The following SPATA1 variants were observed in gnomAD, a reference collection of about 807,000 sequenced individuals.
SPATA1 encodes the protein spermatogenesis associated 1.
Under a neutral mutation model 59.6 loss-of-function variants are expected in SPATA1, and 57 were observed. That is an observed-to-expected ratio of 0.96 (90% CI 0.77 to 1.19). SPATA1 has a LOEUF of 1.19. Among genes scored for constraint, SPATA1 ranks in the 50% most tolerant of loss-of-function variants. The pLI is 0.00. For synonymous variants in SPATA1, 147 were observed against 163.9 expected, an observed-to-expected ratio of 0.90 and a Z score of 0.79; for missense variants, 448 against 480.7, an observed-to-expected ratio of 0.93 and a Z score of 0.64.
chr1:84,532,907 A>T, exon 7 of SPATA1: 1 of 1,552,376 alleles, frequency 6.4e-7, no homozygotes, highest in Non-Finnish European at 8.7e-7. Flanking sequence ...AAAAAATCAA[A>T]TTGGAAATTC....
chr1:84,545,549 T>G, intron 9 of SPATA1, 85 bp from the exon 10 acceptor site: 1 of 1,382,162 alleles, frequency 7.2e-7, no homozygotes, highest in South Asian at 1.6e-5. Flanking sequence ...CTTTAGACAT[T>G]TTTAAGTTTT....
chr1:84,525,992 T>C, exon 6 of SPATA1: 1 of 1,613,706 alleles, frequency 6.2e-7, no homozygotes. Flanking sequence ...TAGTGTAACT[T>C]TGTTCAAGGA....
At chr1:84,567,018 T>C (rs1485916631), downstream of SPATA1, among the ~76,000 whole-genome samples, 1 of 152,222 alleles carries the variant, frequency 6.6e-6, no homozygotes, top group Non-Finnish European at 1.5e-5. Context: ...ATTAGCCTTA[T>C]TTTATACATG....
At chr1:84,520,239 T>C (rs1682967297) in intron 2 of SPATA1, 1 of 203,466 alleles carries the variant, frequency 4.9e-6, no homozygotes, top group African/African-American at 2.4e-5. Flanking sequence ...TGGAACTGAG[T>C]AGGTGGGGAG....
At chr1:84,547,211 G>A (rs893685116) in intron 10 of SPATA1, among the ~76,000 whole-genome samples, 1 of 152,204 alleles carries the variant, frequency 6.6e-6, no homozygotes, top group Non-Finnish European at 1.5e-5. Context: ...ACAATGGACT[G>A]AAAATCACAG....
chr1:84,532,277 C>T (rs1683503257), intron 6 of SPATA1, among the ~76,000 whole-genome samples: 1 of 152,190 alleles, frequency 6.6e-6, no homozygotes, highest in African/African-American at 2.4e-5. Context: ...GGGCATATCA[C>T]CTGAGGTCAG....
chr1:84,555,707 C>T (rs570269713), downstream of SPATA1, among the ~76,000 whole-genome samples: 37 of 152,288 alleles, frequency 2.4e-4, no homozygotes, highest in Non-Finnish European at 3.7e-4. Flanking sequence ...GAATCACTTG[C>T]GGAGCTTTTA....
At chr1:84,542,108 C>T (rs911977046) in intron 8 of SPATA1, among the ~76,000 whole-genome samples, 6 of 152,044 alleles carry the variant, frequency 3.9e-5, no homozygotes, top group Admixed American at 6.6e-5. Context: ...GGATTACAGG[C>T]GTGCGACACC....
chr1:84,521,420 C>T (rs746633023), intron 3 of SPATA1, among the ~76,000 whole-genome samples: 1 of 152,186 alleles, frequency 6.6e-6, no homozygotes, highest in African/African-American at 2.4e-5. Flanking sequence ...TCATCTCTTT[C>T]TTCAACCACA....
exon 9 of SPATA1, chr1:84,544,220 A>C (rs1558608373): frequency 3.8e-6 from 6 of 1,599,786 alleles, no homozygotes; most frequent in South Asian, 1.1e-5. Flanking sequence ...AAAAGAGTAC[A>C]TCACCCTACC....
At chr1:84,533,026 A>G in intron 7 of SPATA1, 52 bp downstream of exon 7, 4 of 1,240,692 alleles carry the variant, frequency 3.2e-6, no homozygotes. Flanking sequence ...CAATAAGAAA[A>G]AGAGTAAGAT....
intron 4 of SPATA1, among the ~76,000 whole-genome samples, chr1:84,524,124 C>T (rs1326995844): frequency 1.3e-5 from 2 of 151,648 alleles, no homozygotes; most frequent in Non-Finnish European, 2.9e-5. Flanking sequence ...AAGTAGAAAA[C>T]TTTGAGAAAG....
At chr1:84,548,794 G>A (rs769311984) in exon 11 of SPATA1, 96 of 985,704 alleles carry the variant, frequency 9.7e-5, no homozygotes, top group Non-Finnish European at 1.2e-4. Context: ...AGCCTACAAT[G>A]GTTGGAAGAA....
intron 1 of SPATA1, among the ~76,000 whole-genome samples, chr1:84,511,050 G>T (rs1044852747): frequency 1.3e-5 from 2 of 152,156 alleles, no homozygotes; most frequent in African/African-American, 4.8e-5. Context: ...AATGGGTACA[G>T]AAATATAAGT....
intron 4 of SPATA1, among the ~76,000 whole-genome samples, chr1:84,559,991 G>A (rs774836375): frequency 9.3e-5 from 14 of 149,914 alleles, no homozygotes; most frequent in Non-Finnish European, 1.9e-4. Flanking sequence ...AAGCTGAGGA[G>A]TAGAATTGCT....
intron 2 of SPATA1, among the ~76,000 whole-genome samples, chr1:84,518,645 T>G (rs1261378044): frequency 6.6e-6 from 1 of 151,992 alleles, no homozygotes; most frequent in Non-Finnish European, 1.5e-5. Context: ...TGAACTTATC[T>G]TCTACCCTCT....
chr1:84,532,970 A>T lies in SPATA1; in HGVS notation c.655A>T (p.Lys219Ter). The change falls in exon 7 of 13, where the codon AAA becomes TAA. Residue 219 changes from lysine to a stop codon, truncating the protein, a stop_gained. Transcript: ENST00000490879. LOFTEE classifies it high-confidence loss of function. ...AAATAATGATTGCTTTGGCACTAAA[A>T]AAAGGTAATTAGTATAGATGCTGAT... 1 of 1,548,354 alleles carries T rather than the reference A, an allele frequency of 6.5e-7. No homozygotes were observed. Among genetic ancestry groups the T allele is most frequent in the African/African-American group, 1.4e-5 (1 of 73,088 alleles).
chr1:84,541,464 C>CTTTTTTTTTTTTTTTTTTTTT (rs1266309414), intron 8 of SPATA1, among the ~76,000 whole-genome samples: 1 of 151,506 alleles, frequency 6.6e-6, no homozygotes, highest in Non-Finnish European at 1.5e-5. Context: ...GTTTTTCTTA[C>CTTTTTTTTTTTTTTTTTTTTT]TATATTTTTG....
chr1:84,529,119 C>T (rs1683354794), intron 6 of SPATA1, among the ~76,000 whole-genome samples: 1 of 151,932 alleles, frequency 6.6e-6, no homozygotes, highest in Non-Finnish European at 1.5e-5. Flanking sequence ...GGTGATTTCC[C>T]ATTCAATATT....
Sources: allele counts gnomAD v4.1 joint callset (sites outside exome capture counted in the v4.1 genomes callset), GRCh38; gene constraint gnomAD v4.1.1; transcripts MANE v1.5; gene names NCBI Gene and HGNC (gene_info 2026-07-23, HGNC 2026-07-21).